The following FRMPD4 variants were observed in gnomAD, a reference collection of about 807,000 sequenced individuals.
FRMPD4 encodes FERM and PDZ domain-containing protein 4.
In FRMPD4, 22 loss-of-function variants were observed where a neutral mutation model predicts 94.1. The observed-to-expected ratio is 0.23, with a 90% CI of 0.17 to 0.33. The LOEUF (loss-of-function observed/expected upper bound fraction) is 0.33. Among genes scored for constraint, FRMPD4 ranks in the 10% least tolerant of loss-of-function variants. The pLI is 1.00. For missense variants in FRMPD4, 1,111 were observed against 1,339.9 expected, an observed-to-expected ratio of 0.83 and a Z score of 2.67; for synonymous variants, 631 against 548.6, an observed-to-expected ratio of 1.15 and a Z score of -2.10.
At chrX:12,357,305 AACT>A (rs2055909233) in intron 1 of FRMPD4, among the ~76,000 whole-genome samples, 1 of 112,406 alleles carries the variant, frequency 8.9e-6, no homozygotes, top group African/African-American at 3.2e-5. Context: ...AAGAAGTGAC[AACT>A]AACATATATT....
chrX:12,155,135 C>T (rs1196865640), intron 1 of FRMPD4, among the ~76,000 whole-genome samples: 1 of 111,931 alleles, frequency 8.9e-6, no homozygotes, highest in Non-Finnish European at 1.9e-5. Context: ...CACTCAGAAT[C>T]AGGGTTCAGC....
intron 1 of FRMPD4, among the ~76,000 whole-genome samples, chrX:12,145,333 G>A (rs1433444819): frequency 8.9e-6 from 1 of 112,451 alleles, no homozygotes; most frequent in African/African-American, 3.2e-5. Context: ...ACTGACCATG[G>A]TGATTTTACA....
Position 12,214,044 on chromosome X carries a change from A to G in FRMPD4, c.41+75032A>G, listed in dbSNP as rs566108961. ...CAGGAATATTGAAATGTAAGGGAATATTAGAACACATTTAAATTTTCCAAT... is the reference window on the plus strand; with the variant it reads ...CAGGAATATTGAAATGTAAGGGAATGTTAGAACACATTTAAATTTTCCAAT... On this transcript the variant is annotated intron_variant, in intron 1 of 16. Coordinates refer to ENST00000675598, the MANE Select transcript of FRMPD4 (RefSeq NM_001368397.1). Among the ~76,000 whole-genome samples, 64 of 112,283 alleles carry G rather than the reference A, an allele frequency of 5.7e-4. 1 individual carries two copies. The South Asian group carries it at 0.022, about 38-fold the overall frequency.
At chrX:11,903,621 G>A (rs1181318731) in intron 3 of FRMPD4, among the ~76,000 whole-genome samples, 4 of 112,016 alleles carry the variant, frequency 3.6e-5, no homozygotes, top group Non-Finnish European at 5.6e-5. Context: ...CCCAATATTC[G>A]AATCATAGTT....
chrX:12,410,357 T>C (rs2056716688), intron 1 of FRMPD4, among the ~76,000 whole-genome samples: 1 of 111,696 alleles, frequency 9.0e-6, no homozygotes, highest in South Asian at 3.7e-4. Flanking sequence ...TCATTGTGTG[T>C]TTTTTCTGAG....
intron 1 of FRMPD4, among the ~76,000 whole-genome samples, chrX:11,847,689 A>C (rs1192423160): frequency 9.0e-6 from 1 of 110,646 alleles, no homozygotes; most frequent in African/African-American, 3.3e-5. Context: ...ATACCATGGA[A>C]TACTATGTAG....
intron 3 of FRMPD4, among the ~76,000 whole-genome samples, chrX:12,080,745 A>T (rs928189931): frequency 2.7e-5 from 3 of 112,334 alleles, no homozygotes; most frequent in African/African-American, 9.7e-5. Context: ...TTCAGAGAGA[A>T]TTTATGAGCA....
At chrX:12,648,596 T>C (rs2059568698) in intron 4 of FRMPD4, among the ~76,000 whole-genome samples, 1 of 112,245 alleles carries the variant, frequency 8.9e-6, no homozygotes, top group Non-Finnish European at 1.9e-5. Flanking sequence ...TGTAATCAAC[T>C]ACCAAATAGA....
chrX:12,031,244 C>T (rs1454991495), intron 3 of FRMPD4, among the ~76,000 whole-genome samples: 1 of 112,208 alleles, frequency 8.9e-6, no homozygotes, highest in Non-Finnish European at 1.9e-5. Flanking sequence ...TGAATACAAG[C>T]ATGCATCATC....
chrX:12,070,487 T>C (rs1486999939), intron 3 of FRMPD4, among the ~76,000 whole-genome samples: 1 of 111,941 alleles, frequency 8.9e-6, no homozygotes, highest in Non-Finnish European at 1.9e-5. Context: ...TGGTAGTTAT[T>C]ATATCTGGTT....
rs12557461 is a variant in FRMPD4, at chrX:12,671,828, G to A, written c.423-3035G>A. Among the ~76,000 whole-genome samples the A allele has an allele frequency of 9.7e-3, 1,080 of 111,243 alleles. 11 individuals are homozygous for A. Among genetic ancestry groups the A allele is most frequent in the Non-Finnish European group, 0.016 (835 of 52,942 alleles). ...CATAAGACAACTATATTCTTTCCCC[G>A]CATTGTCCACTTATAACAGCTCCCC... On this transcript the variant is annotated intron_variant, in intron 4 of 16. Coordinates refer to ENST00000675598, the MANE Select transcript of FRMPD4 (RefSeq NM_001368397.1).
upstream of FRMPD4, among the ~76,000 whole-genome samples, chrX:12,137,025 C>G: frequency 9.1e-6 from 1 of 110,159 alleles, no homozygotes; most frequent in Non-Finnish European, 1.9e-5. Flanking sequence ...GAAAAGGTTG[C>G]GATGAGACTC....
chrX:12,023,213 C>T (rs751860387), intron 3 of FRMPD4, among the ~76,000 whole-genome samples: 1 of 111,479 alleles, frequency 9.0e-6, no homozygotes, highest in South Asian at 3.8e-4. Flanking sequence ...CACCAGACTC[C>T]CATCTGCCAA....
chrX:12,281,477 C>T (rs1361638208), intron 1 of FRMPD4, among the ~76,000 whole-genome samples: 2 of 109,974 alleles, frequency 1.8e-5, no homozygotes, highest in African/African-American at 3.3e-5. Flanking sequence ...CAGATTCAAG[C>T]GATTCTTGTG....
chrX:12,283,997 A>G (rs1020967552), intron 1 of FRMPD4, among the ~76,000 whole-genome samples: 3 of 112,211 alleles, frequency 2.7e-5, no homozygotes, highest in Non-Finnish European at 5.6e-5. Context: ...TAAAAACTAC[A>G]CATGAACCTA....
rs748986990 is a variant in FRMPD4 at position 12,066,877 on chromosome X, G to GTTTTTTT, written c.95+188863_95+188869dup. On this transcript the variant is annotated intron_variant, in intron 3 of 18. Transcript: ENST00000640291. The stretch of plus-strand genomic sequence containing the variant: ...CCCCAAGTTTTTTGTTTTTGTTTTT[G>GTTTTTTT]TTTTTTTTTTGAGACATAGCCTCAC... Among the ~76,000 whole-genome samples the GTTTTTTT allele has an allele frequency of 7.1e-4, 69 of 97,360 alleles. 1 individual carries two copies. The highest frequency in any genetic ancestry group is 6.3e-3 in the East Asian group (19 of 2,999). 84.5% of individuals were successfully genotyped at this position (97,360 alleles called of 115,157 possible).
At chrX:12,346,790 C>T (rs754472616) in intron 1 of FRMPD4, among the ~76,000 whole-genome samples, 7 of 111,947 alleles carry the variant, frequency 6.3e-5, no homozygotes, top group Non-Finnish European at 1.1e-4. Context: ...CAAAATAATA[C>T]GATAATAATA....
intron 3 of FRMPD4, among the ~76,000 whole-genome samples, chrX:11,999,487 T>A (rs777118789): frequency 1.8e-5 from 2 of 112,367 alleles, no homozygotes; most frequent in Non-Finnish European, 3.8e-5. Flanking sequence ...GTTGAGTGAA[T>A]GTTCTTTAGC....
chrX:12,296,266 G>T (rs2054770730), intron 1 of FRMPD4, among the ~76,000 whole-genome samples: 1 of 111,685 alleles, frequency 9.0e-6, no homozygotes, highest in African/African-American at 3.3e-5. Flanking sequence ...AGAAGGCAAG[G>T]ACATTGTCAT....
Sources: gnomAD v4.1 joint callset for allele counts (sites outside exome capture counted in the v4.1 genomes callset) on GRCh38, gnomAD v4.1.1 for gene constraint, MANE v1.5 for transcripts, NCBI Gene and HGNC (gene_info 2026-07-23, HGNC 2026-07-21) for gene names.